Variants in CCDC170 observed in about 807,000 individuals in gnomAD.
The protein encoded by CCDC170 is coiled-coil domain containing 170, also known as coiled-coil domain-containing protein 170.
A neutral mutation model predicts 72.6 loss-of-function variants in CCDC170; 69 were observed. That is an observed-to-expected ratio of 0.95 (90% CI 0.78 to 1.16). The LOEUF (loss-of-function observed/expected upper bound fraction) is 1.16, where lower values mean the gene tolerates loss of function less well. CCDC170 is among the 50% of genes most tolerant of loss of function. The pLI, the probability that CCDC170 is intolerant of heterozygous loss-of-function variation, is 0.00. For missense variants in CCDC170, 852 were observed against 832.5 expected (o/e 1.02, Z -0.29); for synonymous variants, 300 against 303.9 (o/e 0.99, Z 0.13).
intron 5 of CCDC170, among the ~76,000 whole-genome samples, chr6:151,563,580 T>TGG (rs1262841494): frequency 6.6e-6 from 1 of 152,132 alleles, no homozygotes; most frequent in Non-Finnish European, 1.5e-5. Flanking sequence ...GGAGAGTCCC[T>TGG]GGGCAGGGCT....
chr6:151,563,393 C>G (rs1675432402), intron 5 of CCDC170, among the ~76,000 whole-genome samples: 1 of 152,138 alleles, frequency 6.6e-6, no homozygotes, highest in African/African-American at 2.4e-5. Context: ...TTCCTTTGTC[C>G]CAACAGGGAC....
At chr6:151,578,613 AAC>A (rs1776336760) in intron 6 of CCDC170, among the ~76,000 whole-genome samples, 1 of 152,196 alleles carries the variant, frequency 6.6e-6, no homozygotes, top group Non-Finnish European at 1.5e-5. Flanking sequence ...GGGGGGCTTC[AAC>A]ATATCTTTTT....
intron 7 of CCDC170, among the ~76,000 whole-genome samples, chr6:151,589,251 A>AAAACAAAC (rs539350258): frequency 2.3e-4 from 27 of 115,090 alleles, no homozygotes; most frequent in African/African-American, 6.5e-4. Context: ...ACTCCCTCTC[A>AAAACAAAC]AAACAAACAA....
intron 1 of CCDC170, among the ~76,000 whole-genome samples, chr6:151,503,010 AT>A (rs1782013880): frequency 6.6e-6 from 1 of 152,106 alleles, no homozygotes; most frequent in Non-Finnish European, 1.5e-5. Flanking sequence ...TCTACTAAAA[AT>A]ACAAAAAATC....
chr6:151,575,401 C>G (rs1339962971), intron 6 of CCDC170, among the ~76,000 whole-genome samples: 2 of 148,180 alleles, frequency 1.3e-5, no homozygotes, highest in African/African-American at 5.0e-5. Context: ...CCACTGCACT[C>G]CAGCCTGGGC....
chr6:151,514,239 T>C (rs577563254), intron 1 of CCDC170, among the ~76,000 whole-genome samples: 1 of 151,078 alleles, frequency 6.6e-6, no homozygotes, highest in East Asian at 2.0e-4. Flanking sequence ...AGGTCAAGTC[T>C]GCAGTGAGCC....
chr6:151,578,253 T>G (rs935448724), intron 6 of CCDC170, among the ~76,000 whole-genome samples: 1 of 152,324 alleles, frequency 6.6e-6, no homozygotes, highest in East Asian at 1.9e-4. Flanking sequence ...GTACCGCAAC[T>G]GGGCGGCTTA....
chr6:151,609,996 A>G (rs1374974300), intron 9 of CCDC170, among the ~76,000 whole-genome samples: 1 of 152,216 alleles, frequency 6.6e-6, no homozygotes, highest in Non-Finnish European at 1.5e-5. Flanking sequence ...TGTTTTCCCA[A>G]TCTGAACAGA....
intron 1 of CCDC170, among the ~76,000 whole-genome samples, chr6:151,496,803 T>C (rs1004396032): frequency 6.6e-6 from 1 of 152,252 alleles, no homozygotes; most frequent in African/African-American, 2.4e-5. Context: ...AATTAATGTA[T>C]CAGCATTTTA....
At chr6:151,565,413 A>G (rs567269025) in intron 5 of CCDC170, among the ~76,000 whole-genome samples, 1 of 152,054 alleles carries the variant, frequency 6.6e-6, no homozygotes, top group South Asian at 2.1e-4. Context: ...CCATGATGGG[A>G]GTATGGACGC....
intron 10 of CCDC170, among the ~76,000 whole-genome samples, chr6:151,616,090 C>G (rs541338515): frequency 2.6e-5 from 4 of 152,212 alleles, no homozygotes; most frequent in African/African-American, 9.6e-5. Context: ...AAAACAGGTT[C>G]TGGTTCTGGG....
intron 1 of CCDC170, among the ~76,000 whole-genome samples, chr6:151,525,664 G>A (rs1273030665): frequency 6.6e-6 from 1 of 152,158 alleles, no homozygotes; most frequent in African/African-American, 2.4e-5. Context: ...ACCCTTTGCT[G>A]ACTCTCTTTT....
At chr6:151,614,326 A>AT (rs1290949868) in intron 9 of CCDC170, among the ~76,000 whole-genome samples, 9 of 152,322 alleles carry the variant, frequency 5.9e-5, no homozygotes, top group African/African-American at 2.2e-4. Flanking sequence ...AATTCCTATG[A>AT]ATTAGCCTAT....
In CCDC170 at chr6:151,533,684, A is replaced by G. The variant is rs1040416876; in HGVS notation, c.58-2634A>G. Among the ~76,000 whole-genome samples, 360 of 141,186 alleles carry G rather than the reference A, an allele frequency of 2.5e-3. 3 individuals are homozygous for G. Among genetic ancestry groups the G allele is most frequent in the African/African-American group, 8.9e-3 (340 of 38,088 alleles). 92.6% of individuals were successfully genotyped at this position (141,186 alleles called of 152,430 possible). On this transcript the variant is annotated intron_variant, in intron 1 of 10. Transcript: ENST00000239374. ...CTCCATCTCAAAAAAAAAAAAAAAA[A>G]TCATCACTTCTTTAGGGAACTCTTT...
At chr6:151,551,131 C>T (rs1207779347) in intron 5 of CCDC170, among the ~76,000 whole-genome samples, 1 of 152,096 alleles carries the variant, frequency 6.6e-6, no homozygotes, top group African/African-American at 2.4e-5. Context: ...CCACCATCCA[C>T]CCAGATGCAA....
At chr6:151,562,147 G>C (rs1369672206) in intron 5 of CCDC170, among the ~76,000 whole-genome samples, 1 of 151,728 alleles carries the variant, frequency 6.6e-6, no homozygotes, top group Non-Finnish European at 1.5e-5. Context: ...TTATGTAATG[G>C]ATTTCAAATT....
At chr6:151,562,142 T>C (rs951122897) in intron 5 of CCDC170, among the ~76,000 whole-genome samples, 15 of 152,242 alleles carry the variant, frequency 9.9e-5, no homozygotes, top group Admixed American at 7.8e-4. Flanking sequence ...GTTTTTTATG[T>C]AATGGATTTC....
At position 151,553,048 on chromosome 6, in the gene CCDC170, A is replaced by G. The variant is rs185188073; in HGVS notation, c.774+4559A>G. 6.9e-4 allele frequency among the ~76,000 whole-genome samples: 105 copies of G among 152,204 alleles called. 1 individual carries two copies. Among genetic ancestry groups the G allele is most frequent in the African/African-American group, 2.4e-3 (101 of 41,546 alleles). On this transcript the variant is annotated intron_variant, in intron 5 of 10. Coordinates refer to ENST00000239374, the MANE Select transcript of CCDC170 (RefSeq NM_025059.4). Reference sequence around the variant, plus strand: ...GTGATCCACCCACATCGGCCTCCCAAAGTGCTGGGATTACAGGCATGAGCC... The same window carrying G: ...GTGATCCACCCACATCGGCCTCCCAGAGTGCTGGGATTACAGGCATGAGCC...
rs191991434 is a variant in CCDC170 at position 151,512,548 on chromosome 6, C to A, written c.57+18363C>A. ...GCTTGCAGACAAAAACATTTACAAA[C>A]CCCAGGGTAAAAGCATGGGTGTTAG... On this transcript the variant is annotated intron_variant, in intron 1 of 10. Coordinates refer to ENST00000239374, the MANE Select transcript of CCDC170 (RefSeq NM_025059.4). Among the ~76,000 whole-genome samples the A allele has an allele frequency of 8.1e-3, 1,240 of 152,280 alleles. 9 individuals carry two copies. Among genetic ancestry groups the A allele is most frequent in the South Asian group, 0.016 (77 of 4,826 alleles).
Sources: allele counts gnomAD v4.1 joint callset (sites outside exome capture counted in the v4.1 genomes callset), GRCh38; gene constraint gnomAD v4.1.1; transcripts MANE v1.5; gene names NCBI Gene and HGNC (gene_info 2026-07-23, HGNC 2026-07-21).